The following DHX37 variants were observed in gnomAD, a reference collection of about 807,000 sequenced individuals.
DHX37 encodes probable ATP-dependent RNA helicase DHX37.
A neutral mutation model predicts 134.3 loss-of-function variants in DHX37; 52 were observed. The ratio of observed to expected loss-of-function variants is 0.39; its 90% confidence interval spans 0.31 to 0.49. DHX37 has a LOEUF of 0.49. DHX37 is among the 20% of genes least tolerant of loss of function. DHX37 has a pLI of 0.93. For missense variants in DHX37, 1,344 were observed against 1,580.8 expected (o/e 0.85, Z 2.54); for synonymous variants, 634 against 670.7 (o/e 0.95, Z 0.85).
intron 17 of DHX37, 54 bp downstream of exon 17, chr12:124,956,975 G>A (rs887531897): frequency 5.3e-6 from 8 of 1,523,090 alleles, no homozygotes; most frequent in Non-Finnish European, 7.1e-6. Flanking sequence ...CCAGCAAAAG[G>A]GAGAGAGGGC....
chr12:124,970,080 C>T (rs1954483046), intron 8 of DHX37, among the ~76,000 whole-genome samples: 1 of 152,372 alleles, frequency 6.6e-6, no homozygotes, highest in South Asian at 2.1e-4. Flanking sequence ...TCAAGTGATT[C>T]TCCTGCCTCA....
At chr12:124,967,867 G>A (rs1008814230) in intron 10 of DHX37, among the ~76,000 whole-genome samples, 3 of 152,042 alleles carry the variant, frequency 2.0e-5, no homozygotes, top group Non-Finnish European at 2.9e-5. Flanking sequence ...TCAGGAGTTC[G>A]AGACCAGCCC....
In DHX37 at chr12:124,970,328, GCA is replaced by G. The variant is rs1954489275; in HGVS notation, c.1191+972_1191+973del. Among the ~76,000 whole-genome samples, 2 of 152,196 alleles carry G rather than the reference GCA, an allele frequency of 1.3e-5. 1 individual carries two copies. Among genetic ancestry groups the G allele is most frequent in the Admixed American group, 1.3e-4 (2 of 15,280 alleles). On this transcript the variant is annotated intron_variant, in intron 8 of 26. Coordinates refer to ENST00000308736, the MANE Select transcript of DHX37 (RefSeq NM_032656.4). ...AAAATATAAAACTGTGGTGATGGCT[GCA>G]CACTCTGTGAACGGACTAAAAACCA...
At chr12:124,975,169 T>C (rs1462719782) in intron 6 of DHX37, among the ~76,000 whole-genome samples, 1 of 152,140 alleles carries the variant, frequency 6.6e-6, no homozygotes, top group Non-Finnish European at 1.5e-5. Context: ...CCTGCTCTGT[T>C]CTCGAGCCCC....
In DHX37 at chr12:124,966,909, G is replaced by A. The variant is rs200592873; in HGVS notation, c.1505-31C>T. On this transcript the variant is annotated intron_variant, in intron 11 of 26. Transcript: ENST00000308736. ...AGAGGGGCAGGTTGGGGAGAAAGGC[G>A]TCTGTGGCCGGCGTGGTCGCCAGCA... 4.2e-5 allele frequency: 67 copies of A among 1,613,666 alleles called. 1 individual carries two copies. Among genetic ancestry groups the A allele is most frequent in the African/African-American group, 4.0e-4 (30 of 75,054 alleles).
At chr12:124,969,104 G>A (rs1481548588) in intron 8 of DHX37, 136 bp from the exon 9 acceptor site, 1 of 803,296 alleles carries the variant, frequency 1.2e-6, no homozygotes, top group Non-Finnish European at 2.0e-6. Flanking sequence ...GATGCCAAAG[G>A]CTCCTTGGAG....
intron 15 of DHX37, among the ~76,000 whole-genome samples, chr12:124,961,499 G>A (rs773456066): frequency 1.3e-5 from 2 of 152,182 alleles, no homozygotes; most frequent in African/African-American, 2.4e-5. Flanking sequence ...CATGATCTTG[G>A]CTCACTGCAA....
Position 124,948,164 on chromosome 12 carries a change from T to A in DHX37, c.3308A>T (p.Glu1103Val). ...KTWARLQPRT[E>V]SLLRALVAEK... ...TGCAACCAGGGCTCGCAGAAGGCTC[T>A]CCGTACGGGGCTGCAGCCTGTGGGG... Residue 1103 changes from glutamate (E) to valine (V), a missense_variant, in exon 26 of 27, where the codon GAG becomes GTG. By Grantham distance (121) the Glu-to-Val change is moderately radical (BLOSUM62 -2). Transcript: ENST00000308736. The A allele has an allele frequency of 6.2e-7, 1 of 1,614,072 alleles. No homozygotes were observed. The highest frequency in any genetic ancestry group is 8.5e-7 in the Non-Finnish European group (1 of 1,180,020).
Position 124,980,792 on chromosome 12 carries a change from G to T in DHX37, c.436C>A (p.Leu146Ile). 1.3e-6 allele frequency: 2 copies of T among 1,557,752 alleles called. No individual in the cohort carries two copies. The highest frequency in any genetic ancestry group is 1.4e-5 in the African/African-American group (1 of 73,556). ...VAPGQEKISSLSGAHRKRRRW... is the reference protein window; with the variant it reads ...VAPGQEKISSISGAHRKRRRW... ...CGACGCTTCCGGTGGGCACCGCTGA[G>T]GCTACTGATCTTCTCCTGGCCCGGG... is the stretch of plus-strand genomic sequence containing the variant. Residue 146 changes from leucine to isoleucine, a missense_variant, in exon 4 of 27, where the codon CTC becomes ATC. Transcript: ENST00000308736. This position sits in a 1 kb window ranked among gnomAD's most constrained non-coding sequence, Gnocchi z 5.3.
chr12:124,949,994 C>A lies in DHX37; in HGVS notation c.3282G>T (p.Thr1094=), dbSNP rs1398408582. The A allele has an allele frequency of 3.1e-6, 5 of 1,610,162 alleles. No individual in the cohort carries two copies. Among genetic ancestry groups the A allele is most frequent in the Non-Finnish European group, 4.2e-6 (5 of 1,177,964 alleles). ...LLSSPGTMLK[T]WARLQPRTES... ...CCCACCGAAGGCAGTACCTGGCCCA[C>A]GTCTTCAGCATGGTGCCGGGGCTGG... Residue 1094 remains threonine, a synonymous_variant, in exon 25 of 27, where the codon ACG becomes ACT. Coordinates refer to ENST00000308736, the MANE Select transcript of DHX37 (RefSeq NM_032656.4). This position sits in a 1 kb window ranked among gnomAD's most constrained non-coding sequence, Gnocchi z 4.0.
chr12:124,967,335 C>A, intron 10 of DHX37, 117 bp from the exon 11 acceptor site: 3 of 1,092,242 alleles, frequency 2.7e-6, no homozygotes, highest in South Asian at 1.5e-5. Context: ...TGGGGGAGGA[C>A]AGGAGTACAC....
chr12:124,955,714 C>T (rs548085081), intron 18 of DHX37, among the ~76,000 whole-genome samples: 14 of 152,336 alleles, frequency 9.2e-5, no homozygotes, highest in African/African-American at 2.2e-4. Flanking sequence ...CACAGGGAAA[C>T]GTCTGGAACT....
rs747672861 is a variant in DHX37 at position 124,954,072 on chromosome 12, G to A, written c.2578+15C>T. 17 of 1,606,092 alleles carry A rather than the reference G, an allele frequency of 1.1e-5. No individual in the cohort carries two copies. The Admixed American group carries it at 2.0e-4, about 19-fold the overall frequency. On this transcript the variant is annotated intron_variant, in intron 19 of 26. Coordinates refer to ENST00000308736, the MANE Select transcript of DHX37 (RefSeq NM_032656.4). Reference sequence around the variant, plus strand: ...GGTGACCCTCCCGCCACCCTCCAACGGGCAGGGCACAAACCCAGCAGCACC... The same window carrying A: ...GGTGACCCTCCCGCCACCCTCCAACAGGCAGGGCACAAACCCAGCAGCACC...
At chr12:124,984,774 TGG>T in intron 2 of DHX37, among the ~76,000 whole-genome samples, 1 of 152,346 alleles carries the variant, frequency 6.6e-6, no homozygotes, top group African/African-American at 2.4e-5. Context: ...GAAATATTTA[TGG>T]ATATAATGCT....
At chr12:124,958,872 C>T (rs911016635) in intron 16 of DHX37, among the ~76,000 whole-genome samples, 1 of 151,354 alleles carries the variant, frequency 6.6e-6, no homozygotes, top group South Asian at 2.1e-4. Context: ...GATCCACCCG[C>T]CTCGGCCTCC....
rs553835105 is a variant in DHX37 at position 124,966,847 on chromosome 12, C to T, written c.1536G>A (p.Glu512=). ...EKDDDQKDSV[E]EMRKFKKSRA... ...TTGACTTCTTAAACTTCCGCATTTC[C>T]TCCACCGAGTCTTTCTGATCGTCGT... The change falls in exon 12 of 27, where the codon GAG becomes GAA. Residue 512 remains glutamate (E), a synonymous_variant. Transcript: ENST00000308736. 1.5e-5 allele frequency: 24 copies of T among 1,614,288 alleles called. No individual in the cohort carries two copies. Among genetic ancestry groups the T allele is most frequent in the East Asian group, 2.2e-5 (1 of 44,888 alleles).
chr12:124,971,031 C>T (rs967967754), intron 8 of DHX37, among the ~76,000 whole-genome samples: 3 of 152,242 alleles, frequency 2.0e-5, no homozygotes, highest in African/African-American at 4.8e-5. Context: ...CAACACTTCT[C>T]CTGAGCCTCT....
chr12:124,969,882 C>T (rs1954478943), intron 8 of DHX37, among the ~76,000 whole-genome samples: 1 of 151,674 alleles, frequency 6.6e-6, no homozygotes, highest in Admixed American at 6.6e-5. Flanking sequence ...GATTGCACCG[C>T]TGCACTCCAG....
chr12:124,948,015 A>G (rs1259339200), intron 26 of DHX37, 69 bp downstream of exon 26: 1 of 1,613,900 alleles, frequency 6.2e-7, no homozygotes, highest in South Asian at 1.1e-5. Flanking sequence ...ACCGTGCACA[A>G]AGCACAAAGC....
Sources: allele counts gnomAD v4.1 joint callset (sites outside exome capture counted in the v4.1 genomes callset), GRCh38; gene constraint gnomAD v4.1.1; non-coding constraint Gnocchi (gnomAD v3.1); transcripts MANE v1.5; gene names NCBI Gene and HGNC (gene_info 2026-07-23, HGNC 2026-07-21).